TIAM1: variants seen among roughly 807,000 people sequenced by gnomAD.
TIAM1 encodes the protein TIAM Rac1 associated GEF 1, also known as rho guanine nucleotide exchange factor TIAM1.
A neutral mutation model predicts 163.5 loss-of-function variants in TIAM1; 65 were observed. The observed-to-expected ratio is 0.40, with a 90% confidence interval of 0.33 to 0.49. The LOEUF is 0.49. Among genes scored for constraint, TIAM1 ranks in the 20% least tolerant of loss-of-function variants. The pLI, the probability that TIAM1 is intolerant of heterozygous loss-of-function variation, is 0.77. For missense variants in TIAM1, 1,789 were observed against 2,044.7 expected, an observed-to-expected ratio of 0.87 and a Z score of 2.41; for synonymous variants, 833 against 810.1, an observed-to-expected ratio of 1.03 and a Z score of -0.48.
intron 12 of TIAM1, among the ~76,000 whole-genome samples, chr21:31,199,053 T>TTC (rs2086040774): frequency 6.6e-6 from 1 of 152,226 alleles, no homozygotes; most frequent in African/African-American, 2.4e-5. Context: ...CATCTTCCCT[T>TTC]TCTTTTATTA....
chr21:31,129,304 A>C (rs528300514), intron 25 of TIAM1, among the ~76,000 whole-genome samples: 1 of 152,350 alleles, frequency 6.6e-6, no homozygotes, highest in Non-Finnish European at 1.5e-5. Flanking sequence ...ATGTGTTTCA[A>C]GCATCGTCTA....
At chr21:31,370,195 C>G (rs115682158) in intron 2 of TIAM1, among the ~76,000 whole-genome samples, 2 of 151,930 alleles carry the variant, frequency 1.3e-5, no homozygotes, top group Non-Finnish European at 2.9e-5. Flanking sequence ...TTATAGGAGC[C>G]GAATGGACTG....
chr21:31,276,538 T>C (rs1329779117), intron 3 of TIAM1, among the ~76,000 whole-genome samples, 194 bp downstream of exon 3: 1 of 152,228 alleles, frequency 6.6e-6, no homozygotes, highest in African/African-American at 2.4e-5. Context: ...CTTTGTCTTT[T>C]CTGTTTTGTT....
chr21:31,477,391 C>T (rs557841671), intron 1 of TIAM1, among the ~76,000 whole-genome samples: 1 of 152,066 alleles, frequency 6.6e-6, no homozygotes, highest in Admixed American at 6.6e-5. Context: ...CTAACACAAT[C>T]TGATTTGACC....
In TIAM1 at chr21:31,148,073, A is replaced by G. The variant is rs377731054; in HGVS notation, c.3367-1070T>C. ...ATAATTGGTAATTAGATGCCTCACT[A>G]CTCTTCTTACGTGTTCTCCTTTTCC... is the stretch of plus-strand genomic sequence containing the variant. On this transcript the variant is annotated intron_variant, in intron 19 of 27. Coordinates refer to ENST00000541036, the MANE Select transcript of TIAM1 (RefSeq NM_001353694.2). Among the ~76,000 whole-genome samples, 96 of 148,816 alleles carry G rather than the reference A, an allele frequency of 6.5e-4. 1 individual carries two copies. The highest frequency in any genetic ancestry group is 2.3e-3 in the African/African-American group (93 of 40,368).
intron 1 of TIAM1, among the ~76,000 whole-genome samples, chr21:31,529,143 T>C (rs2047892680): frequency 6.6e-6 from 1 of 151,706 alleles, no homozygotes; most frequent in Non-Finnish European, 1.5e-5. Context: ...ATGGTCTCGA[T>C]CTCCTGACCT....
At chr21:31,226,682 C>T (rs559160559) in intron 6 of TIAM1, among the ~76,000 whole-genome samples, 25 of 152,244 alleles carry the variant, frequency 1.6e-4, no homozygotes, top group Middle Eastern at 3.4e-3. Context: ...TGATAACTCG[C>T]TATTAATGAT....
At chr21:31,172,076 C>A (rs1422711063) in intron 15 of TIAM1, among the ~76,000 whole-genome samples, 1 of 152,106 alleles carries the variant, frequency 6.6e-6, no homozygotes, top group Non-Finnish European at 1.5e-5. Flanking sequence ...TGGTCTATTA[C>A]GTGGTAGTAG....
At chr21:31,162,517 G>A (rs953171884) in intron 16 of TIAM1, among the ~76,000 whole-genome samples, 4 of 152,062 alleles carry the variant, frequency 2.6e-5, no homozygotes, top group African/African-American at 4.8e-5. Flanking sequence ...GAAGTATTTC[G>A]GACACAGAAT....
chr21:31,481,906 A>C (rs2046119552), intron 1 of TIAM1, among the ~76,000 whole-genome samples: 1 of 152,004 alleles, frequency 6.6e-6, no homozygotes, highest in Non-Finnish European at 1.5e-5. Context: ...GATGGAGCTG[A>C]AAGTTTCAAC....
chr21:31,386,187 T>A (rs1463007492), intron 2 of TIAM1, among the ~76,000 whole-genome samples: 1 of 152,026 alleles, frequency 6.6e-6, no homozygotes, highest in African/African-American at 2.4e-5. Flanking sequence ...GGGGCTGTGA[T>A]GAAATGGGGC....
chr21:31,154,722 C>T (rs544257937), intron 16 of TIAM1, among the ~76,000 whole-genome samples: 1 of 152,312 alleles, frequency 6.6e-6, no homozygotes, highest in South Asian at 2.1e-4. Context: ...AGTAACTCAT[C>T]CAAGATGATG....
At chr21:31,355,680 T>C (rs1262348426) in intron 2 of TIAM1, among the ~76,000 whole-genome samples, 1 of 152,030 alleles carries the variant, frequency 6.6e-6, no homozygotes, top group African/African-American at 2.4e-5. Flanking sequence ...GCCTCCTGAG[T>C]AGCTGGGACT....
rs547410015 is a variant in TIAM1 at position 31,335,526 on chromosome 21, G to A, written c.-189+3717C>T. Among the ~76,000 whole-genome samples the A allele has an allele frequency of 3.3e-3, 498 of 152,126 alleles. 1 individual carries two copies. Among genetic ancestry groups the A allele is most frequent in the African/African-American group, 0.012 (486 of 41,482 alleles). Reference sequence around the variant, plus strand: ...TCAAGACCATCCTGGCCAACACGGTGAAACCCTGTCTCTATTAAAAATACA... The same window carrying A: ...TCAAGACCATCCTGGCCAACACGGTAAAACCCTGTCTCTATTAAAAATACA... On this transcript the variant is annotated intron_variant, in intron 2 of 27. Transcript: ENST00000541036.
rs191417936 is a variant in TIAM1, at chr21:31,262,149, T to C, written c.963+3861A>G. Among the ~76,000 whole-genome samples, 34 of 152,308 alleles carry C rather than the reference T, an allele frequency of 2.2e-4. No individual in the cohort carries two copies. In the East Asian group the frequency reaches 6.6e-3, roughly 29 times the overall value. On this transcript the variant is annotated intron_variant, in intron 4 of 27. Transcript: ENST00000541036. Reference sequence around the variant, plus strand: ...TCAACATCACAACTAACAACTCCTATTTATTAAGCATTTGTATGTGTAAAA... The same window carrying C: ...TCAACATCACAACTAACAACTCCTACTTATTAAGCATTTGTATGTGTAAAA...
At chr21:31,311,793 G>A (rs28533171) in intron 2 of TIAM1, among the ~76,000 whole-genome samples, 26,353 of 152,108 alleles carry the variant, frequency 0.17, 2,308 homozygotes, top group Middle Eastern at 0.2. Context: ...TTCTGGGTGC[G>A]TCTGTGAGGG....
At chr21:31,237,483 T>C (rs2070953905) in intron 6 of TIAM1, among the ~76,000 whole-genome samples, 1 of 152,196 alleles carries the variant, frequency 6.6e-6, no homozygotes, top group Non-Finnish European at 1.5e-5. Flanking sequence ...GGAACTAGTC[T>C]TTTTTTCTTT....
At chr21:31,490,399 GA>G (rs34582086) in intron 1 of TIAM1, among the ~76,000 whole-genome samples, 4,127 of 152,106 alleles carry the variant, frequency 0.027, 186 homozygotes, top group African/African-American at 0.094. Flanking sequence ...GAAATAAAAT[GA>G]TTTTTTTTAG....
At chr21:31,482,204 T>G (rs1024143320) in intron 1 of TIAM1, among the ~76,000 whole-genome samples, 1 of 151,824 alleles carries the variant, frequency 6.6e-6, no homozygotes, top group Non-Finnish European at 1.5e-5. Context: ...CAGGCTGGAG[T>G]GCAGCGGCGC....
Sources: gnomAD v4.1 joint callset for allele counts (sites outside exome capture counted in the v4.1 genomes callset) on GRCh38, gnomAD v4.1.1 for gene constraint, MANE v1.5 for transcripts, NCBI Gene and HGNC (gene_info 2026-07-23, HGNC 2026-07-21) for gene names.